The following ELOVL6 variants were observed in gnomAD, a reference collection of about 807,000 sequenced individuals.
The protein encoded by ELOVL6 is ELOVL fatty acid elongase 6.
Under a neutral mutation model 31.7 loss-of-function variants are expected in ELOVL6, and 8 were observed. The ratio of observed to expected loss-of-function variants is 0.25; its 90% CI spans 0.15 to 0.45. ELOVL6 has a LOEUF of 0.45. Ranked by LOEUF, ELOVL6 falls within the 20% of genes least tolerant of loss-of-function variation. The pLI, the probability that ELOVL6 is intolerant of heterozygous loss-of-function variation, is 1.00. For synonymous variants in ELOVL6, 101 were observed against 117.7 expected, an observed-to-expected ratio of 0.86 and a Z score of 0.92; for missense variants, 126 against 326.4, an observed-to-expected ratio of 0.39 and a Z score of 4.73.
At position 110,181,980 on chromosome 4, in the gene ELOVL6, T is replaced by G. The variant is rs548515652; in HGVS notation, c.89+16267A>C. 2.6e-5 allele frequency among the ~76,000 whole-genome samples: 4 copies of G among 152,330 alleles called. No individual in the cohort carries two copies. The South Asian group carries it at 8.3e-4, about 32-fold the overall frequency. ...CATTCTGCAGTACTACTGAAGATAT[T>G]TGTTAACCACGTACTCCAGGTACGT... On this transcript the variant is annotated intron_variant, in intron 1 of 3. Transcript: ENST00000302274.
At chr4:110,155,766 C>T (rs1200102034) in intron 1 of ELOVL6, among the ~76,000 whole-genome samples, 1 of 152,144 alleles carries the variant, frequency 6.6e-6, no homozygotes, top group African/African-American at 2.4e-5. Context: ...TATCTAACAT[C>T]TTCCTAAACC....
intron 3 of ELOVL6, among the ~76,000 whole-genome samples, chr4:110,059,089 TCCCTAAGG>T (rs1755071984): frequency 6.6e-6 from 1 of 152,158 alleles, no homozygotes. Context: ...ACATTCCCCT[TCCCTAAGG>T]CCAGTCTTGA....
intron 1 of ELOVL6, among the ~76,000 whole-genome samples, chr4:110,176,791 G>A (rs996683267): frequency 1.4e-4 from 21 of 152,204 alleles, no homozygotes; most frequent in African/African-American, 4.6e-4. Flanking sequence ...AGGCTGGAGT[G>A]CAATGGCACG....
intron 3 of ELOVL6, among the ~76,000 whole-genome samples, chr4:110,055,034 C>T (rs1011990314): frequency 6.6e-6 from 1 of 152,114 alleles, no homozygotes; most frequent in Non-Finnish European, 1.5e-5. Context: ...GGTTACTATC[C>T]CCCAGACTGC....
At chr4:110,061,775 C>G (rs1468479166) in intron 2 of ELOVL6, among the ~76,000 whole-genome samples, 1 of 151,906 alleles carries the variant, frequency 6.6e-6, no homozygotes, top group Non-Finnish European at 1.5e-5. Flanking sequence ...CCAGGCCGGT[C>G]TCAAACTCCT....
At chr4:110,110,450 T>C (rs1757004684) in intron 1 of ELOVL6, among the ~76,000 whole-genome samples, 1 of 147,694 alleles carries the variant, frequency 6.8e-6, no homozygotes, top group Non-Finnish European at 1.5e-5. Context: ...TTCTGTCATC[T>C]AGGCTGGAGC....
chr4:110,077,984 T>A (rs573916500), intron 2 of ELOVL6, among the ~76,000 whole-genome samples: 5 of 152,294 alleles, frequency 3.3e-5, no homozygotes, highest in Admixed American at 6.5e-5. Flanking sequence ...GAAGAAACGG[T>A]ATCAGAGATA....
intron 1 of ELOVL6, among the ~76,000 whole-genome samples, chr4:110,159,363 CA>C (rs1268242587): frequency 6.6e-6 from 1 of 151,978 alleles, no homozygotes; most frequent in Non-Finnish European, 1.5e-5. Context: ...AACTTGATGA[CA>C]AAAGTTACTT....
At chr4:110,166,692 G>A (rs1016165727) in intron 1 of ELOVL6, among the ~76,000 whole-genome samples, 1 of 152,120 alleles carries the variant, frequency 6.6e-6, no homozygotes, top group African/African-American at 2.4e-5. Context: ...TCTCAGCATG[G>A]TCAGCCCTCA....
At chr4:110,129,891 A>ATTTTTTTT (rs371838858) in intron 1 of ELOVL6, among the ~76,000 whole-genome samples, 18 of 93,528 alleles carry the variant, frequency 1.9e-4, no homozygotes, top group East Asian at 3.6e-4. Context: ...ATCCAATCCA[A>ATTTTTTTT]TTTTTTTTTT....
chr4:110,069,321 CTT>C (rs78751386), intron 2 of ELOVL6, among the ~76,000 whole-genome samples: 7 of 147,806 alleles, frequency 4.7e-5, no homozygotes, highest in South Asian at 2.1e-4. Context: ...CTTAAGCTAC[CTT>C]TTTTTTTTTC....
chr4:110,157,308 G>A (rs1758475905), intron 1 of ELOVL6, among the ~76,000 whole-genome samples: 2 of 152,110 alleles, frequency 1.3e-5, no homozygotes, highest in African/African-American at 2.4e-5. Flanking sequence ...ACTTTGAGCT[G>A]GTAAAATGCC....
At chr4:110,118,696 A>G (rs1757258321) in intron 1 of ELOVL6, among the ~76,000 whole-genome samples, 1 of 152,200 alleles carries the variant, frequency 6.6e-6, no homozygotes, top group Admixed American at 6.5e-5. Context: ...TAATGCTACA[A>G]TGAACATGGG....
intron 1 of ELOVL6, among the ~76,000 whole-genome samples, chr4:110,116,788 T>C (rs1757180246): frequency 6.6e-6 from 1 of 152,214 alleles, no homozygotes; most frequent in Admixed American, 6.5e-5. Flanking sequence ...CTTATGTCTA[T>C]AAAGATAGGT....
rs571603111 is a variant in ELOVL6, at chr4:110,185,452, T to C, written c.89+12795A>G. Among the ~76,000 whole-genome samples, 3 of 152,292 alleles carry C rather than the reference T, an allele frequency of 2.0e-5. No individual in the cohort carries two copies. In the South Asian group the frequency reaches 6.2e-4, roughly 32 times the overall value. On this transcript the variant is annotated intron_variant, in intron 1 of 3. Transcript: ENST00000302274. Reference sequence around the variant, plus strand: ...AGTCTCTAGTACAGACTTACTGTGTTGAATGTACTAAGTGCCAAATTTTAG... The same window carrying C: ...AGTCTCTAGTACAGACTTACTGTGTCGAATGTACTAAGTGCCAAATTTTAG...
intron 1 of ELOVL6, among the ~76,000 whole-genome samples, chr4:110,195,898 A>G (rs2126283876): frequency 6.6e-6 from 1 of 152,356 alleles, no homozygotes; most frequent in East Asian, 1.9e-4. Flanking sequence ...CTGTAAGTTA[A>G]TAACCATGTA....
At chr4:110,158,052 T>G (rs1023434249) in intron 1 of ELOVL6, among the ~76,000 whole-genome samples, 1 of 152,220 alleles carries the variant, frequency 6.6e-6, no homozygotes, top group East Asian at 1.9e-4. Context: ...ACATTGAAAC[T>G]GTATTTGTCA....
intron 1 of ELOVL6, among the ~76,000 whole-genome samples, chr4:110,121,797 T>A (rs1188170311): frequency 1.3e-5 from 2 of 152,198 alleles, no homozygotes; most frequent in Non-Finnish European, 2.9e-5. Flanking sequence ...TGCAATTCAC[T>A]TTGTCTCCAA....
intron 1 of ELOVL6, among the ~76,000 whole-genome samples, chr4:110,187,215 C>T (rs2126280318): frequency 6.6e-6 from 1 of 151,724 alleles, no homozygotes; most frequent in South Asian, 2.1e-4. Flanking sequence ...CTCCATAAAA[C>T]AAATTTCTTC....
Sources: allele counts gnomAD v4.1 joint callset (sites outside exome capture counted in the v4.1 genomes callset), GRCh38; gene constraint gnomAD v4.1.1; transcripts MANE v1.5; gene names NCBI Gene and HGNC (gene_info 2026-07-23, HGNC 2026-07-21).